Variants in DYNC2H1 observed in about 807,000 individuals in gnomAD.
DYNC2H1 encodes cytoplasmic dynein 2 heavy chain 1.
DYNC2H1 carries 410 observed loss-of-function variants against 570.0 expected under a neutral mutation model. The observed-to-expected ratio is 0.72, with a 90% CI of 0.66 to 0.78. The LOEUF (loss-of-function observed/expected upper bound fraction) is 0.78. Ranked by LOEUF, DYNC2H1 falls within the 30% of genes least tolerant of loss-of-function variation. DYNC2H1 has a pLI of 0.00. For missense variants in DYNC2H1, 4,865 were observed against 5,046.4 expected (o/e 0.96, Z 1.09); for synonymous variants, 1,688 against 1,677.6 (o/e 1.01, Z -0.15).
intron 83 of DYNC2H1, among the ~76,000 whole-genome samples, chr11:103,362,896 T>A (rs1035503426): frequency 3.8e-4 from 58 of 152,128 alleles, no homozygotes; most frequent in African/African-American, 1.3e-3. Context: ...CCAGGCATGG[T>A]GGTGCACACC....
intron 75 of DYNC2H1, among the ~76,000 whole-genome samples, chr11:103,291,528 C>G (rs192574690): frequency 1.8e-3 from 281 of 152,274 alleles, no homozygotes; most frequent in African/African-American, 5.0e-3. Flanking sequence ...CAACTTGATT[C>G]TGTAGCTGTT....
chr11:103,174,661 A>G (rs893096788), intron 36 of DYNC2H1, among the ~76,000 whole-genome samples: 4 of 152,150 alleles, frequency 2.6e-5, no homozygotes, highest in African/African-American at 7.2e-5. Flanking sequence ...TAAAGCTAGT[A>G]TATTATGATT....
intron 83 of DYNC2H1, among the ~76,000 whole-genome samples, chr11:103,389,757 C>G (rs1375743922): frequency 6.6e-6 from 1 of 151,774 alleles, no homozygotes; most frequent in Non-Finnish European, 1.5e-5. Context: ...GTTATGTACC[C>G]AGTAGTCATT....
At chr11:103,447,568 C>A (rs991265524) in intron 85 of DYNC2H1, among the ~76,000 whole-genome samples, 9 of 152,120 alleles carry the variant, frequency 5.9e-5, no homozygotes, top group Non-Finnish European at 1.0e-4. Context: ...AGCAAGCCTT[C>A]CAAGTATCCA....
At chr11:103,169,973 G>T in intron 32 of DYNC2H1, 135 bp from the exon 33 acceptor site, 2 of 786,048 alleles carry the variant, frequency 2.5e-6, no homozygotes, top group South Asian at 6.4e-5. Context: ...AAAAAATTTT[G>T]GATATTTTTC....
intron 82 of DYNC2H1, among the ~76,000 whole-genome samples, chr11:103,337,832 T>C (rs1939226282): frequency 6.6e-6 from 1 of 152,234 alleles, no homozygotes; most frequent in African/African-American, 2.4e-5. Context: ...GTTCTTCAGA[T>C]TGTCTCTTTG....
rs998690636 is a variant in DYNC2H1, at chr11:103,133,930, A to G, written c.2106+223A>G. 5.9e-5 allele frequency among the ~76,000 whole-genome samples: 9 copies of G among 152,128 alleles called. No homozygotes were observed. The highest frequency in any genetic ancestry group is 2.2e-4 in the African/African-American group (9 of 41,410). ...GAAAAAGACTGTTTTGAATTTTACAATTTTCCACTAACATTCTTTTTTTTT... is the reference window on the plus strand; with the variant it reads ...GAAAAAGACTGTTTTGAATTTTACAGTTTTCCACTAACATTCTTTTTTTTT... On this transcript the variant is annotated intron_variant, in intron 14 of 88. Coordinates refer to ENST00000375735, the MANE Select transcript of DYNC2H1 (RefSeq NM_001377.3). This position sits in a 1 kb window ranked among gnomAD's most constrained non-coding sequence, Gnocchi z 4.8.
At chr11:103,210,250 A>T (rs1320227209) in intron 53 of DYNC2H1, among the ~76,000 whole-genome samples, 1 of 152,014 alleles carries the variant, frequency 6.6e-6, no homozygotes, top group East Asian at 1.9e-4. Context: ...AATTGTTTAG[A>T]GTCTTTGGCA....
chr11:103,124,083 C>T (rs532930892), intron 11 of DYNC2H1, among the ~76,000 whole-genome samples: 19 of 152,138 alleles, frequency 1.2e-4, no homozygotes, highest in Non-Finnish European at 2.5e-4. Context: ...AAGCTGAATA[C>T]TTTTGTTCTT....
chr11:103,120,874 T>A, intron 8 of DYNC2H1, 51 bp from the exon 9 acceptor site: 1 of 1,177,500 alleles, frequency 8.5e-7, no homozygotes, highest in Non-Finnish European at 1.1e-6. Flanking sequence ...TATATATATT[T>A]ACTGAGTTGA....
At chr11:103,448,193 C>T (rs777696247) in intron 85 of DYNC2H1, among the ~76,000 whole-genome samples, 2 of 151,950 alleles carry the variant, frequency 1.3e-5, no homozygotes, top group South Asian at 2.1e-4. Flanking sequence ...GTAAGCAAAT[C>T]GGGGGAGGTT....
intron 47 of DYNC2H1, among the ~76,000 whole-genome samples, chr11:103,195,939 G>A (rs1471689235): frequency 6.6e-6 from 1 of 152,140 alleles, no homozygotes; most frequent in African/African-American, 2.4e-5. Context: ...TTTGAAGGAT[G>A]AATATAGTAA....
intron 31 of DYNC2H1, among the ~76,000 whole-genome samples, chr11:103,166,842 CA>C (rs1442248808): frequency 6.6e-6 from 1 of 151,866 alleles, no homozygotes; most frequent in African/African-American, 2.4e-5. Flanking sequence ...TCAATCTGTA[CA>C]TTTGTTTTTC....
rs529786593 is a variant in DYNC2H1 at position 103,264,606 on chromosome 11, A to G, written c.10695+4629A>G. On this transcript the variant is annotated intron_variant, in intron 70 of 88. Coordinates refer to ENST00000375735, the MANE Select transcript of DYNC2H1 (RefSeq NM_001377.3). This position sits in a 1 kb window ranked among gnomAD's most constrained non-coding sequence, Gnocchi z 4.8. ...ATGACAAAAACCACATGATTATCTC[A>G]ATAGATGCAGAAAAGGCCTCCAATA... Among the ~76,000 whole-genome samples, 2 of 152,340 alleles carry G rather than the reference A, an allele frequency of 1.3e-5. No individual in the cohort carries two copies. The highest frequency in any genetic ancestry group is 2.4e-5 in the African/African-American group (1 of 41,574).
At chr11:103,366,014 A>G (rs1295722947) in intron 83 of DYNC2H1, among the ~76,000 whole-genome samples, 1 of 152,270 alleles carries the variant, frequency 6.6e-6, no homozygotes, top group Non-Finnish European at 1.5e-5. Flanking sequence ...TTGTATAGGC[A>G]TTAAACATGT....
At chr11:103,360,496 T>C (rs1019006576) in intron 83 of DYNC2H1, among the ~76,000 whole-genome samples, 1 of 152,180 alleles carries the variant, frequency 6.6e-6, no homozygotes, top group African/African-American at 2.4e-5. Flanking sequence ...TATAATAGTG[T>C]CTGGCATATG....
At chr11:103,382,054 C>T (rs1941671048) in intron 83 of DYNC2H1, among the ~76,000 whole-genome samples, 1 of 152,086 alleles carries the variant, frequency 6.6e-6, no homozygotes, top group Non-Finnish European at 1.5e-5. Flanking sequence ...ACATGTATGC[C>T]TCTGAAAGGT....
chr11:103,153,623 T>G, intron 22 of DYNC2H1, 115 bp downstream of exon 22: 1 of 929,862 alleles, frequency 1.1e-6, no homozygotes. Flanking sequence ...ACTTCATCAC[T>G]TTTTAAACTA....
intron 55 of DYNC2H1, among the ~76,000 whole-genome samples, chr11:103,218,859 C>G (rs955503120): frequency 6.6e-6 from 1 of 152,130 alleles, no homozygotes; most frequent in East Asian, 1.9e-4. Flanking sequence ...GCAGATATTT[C>G]TGTTTGGTAT....
Sources: allele counts gnomAD v4.1 joint callset (sites outside exome capture counted in the v4.1 genomes callset), GRCh38; gene constraint gnomAD v4.1.1; non-coding constraint Gnocchi (gnomAD v3.1); transcripts MANE v1.5; gene names NCBI Gene and HGNC (gene_info 2026-07-23, HGNC 2026-07-21).